Variants in CCNB3 observed in about 807,000 individuals in gnomAD.
CCNB3 encodes the protein cyclin B3.
In CCNB3, 12 loss-of-function variants were observed where a neutral mutation model predicts 68.0. The ratio of observed to expected loss-of-function variants is 0.18; its 90% CI spans 0.11 to 0.29. CCNB3 has a LOEUF of 0.29. Among genes scored for constraint, CCNB3 ranks in the 10% least tolerant of loss-of-function variants. The pLI is 1.00. For missense variants in CCNB3, 904 were observed against 993.1 expected (o/e 0.91, Z 1.21); for synonymous variants, 354 against 388.9 (o/e 0.91, Z 1.06).
chrX:50,346,042 C>T (rs1010407435), intron 9 of CCNB3, among the ~76,000 whole-genome samples: 6 of 112,201 alleles, frequency 5.3e-5, no homozygotes, highest in Non-Finnish European at 1.1e-4. Context: ...GCTCCCTGGA[C>T]AGAGGTTCTT....
At chrX:50,286,632 G>GGTT (rs1416492251) in intron 3 of CCNB3, among the ~76,000 whole-genome samples, 18 of 78,394 alleles carry the variant, frequency 2.3e-4, no homozygotes, top group African/African-American at 8.0e-4. Flanking sequence ...TTTTTTTTTT[G>GGTT]GTTGTTGTTG....
intron 5 of CCNB3, among the ~76,000 whole-genome samples, chrX:50,300,344 C>G (rs782699689): frequency 2.5e-4 from 28 of 111,302 alleles, no homozygotes; most frequent in African/African-American, 8.5e-4. Context: ...GACAAAATCT[C>G]TCAGCATTTG....
chrX:50,227,087 TAAATATATAGAATATACATAC>T (rs1448985304), intron 1 of CCNB3, among the ~76,000 whole-genome samples: 2 of 80,506 alleles, frequency 2.5e-5, no homozygotes, highest in African/African-American at 5.0e-5. Context: ...AGAATATATA[TAAATATATAGAATATACATAC>T]AAATATATAG....
chrX:50,292,891 C>G (rs1004916298), intron 4 of CCNB3, among the ~76,000 whole-genome samples: 2 of 111,420 alleles, frequency 1.8e-5, no homozygotes, highest in Non-Finnish European at 3.8e-5. Flanking sequence ...GCCCTGGAGT[C>G]AAACATTTCT....
chrX:50,290,634 G>C, intron 4 of CCNB3, among the ~76,000 whole-genome samples: 1 of 111,826 alleles, frequency 8.9e-6, no homozygotes, highest in Middle Eastern at 4.6e-3. Flanking sequence ...CATTCAGAAA[G>C]AACAGATATA....
At chrX:50,213,427 A>G (rs1374229406) in intron 1 of CCNB3, among the ~76,000 whole-genome samples, 2 of 111,233 alleles carry the variant, frequency 1.8e-5, no homozygotes, top group Non-Finnish European at 3.8e-5. Flanking sequence ...CTTGTTAAGA[A>G]TTTTGTTTCT....
intron 5 of CCNB3, among the ~76,000 whole-genome samples, chrX:50,307,254 C>G (rs1041205101): frequency 1.8e-5 from 2 of 111,370 alleles, no homozygotes; most frequent in Non-Finnish European, 3.8e-5. Context: ...TCATAACGTG[C>G]CTTTAAGTGT....
Position 50,309,267 on chromosome X carries a change from G to C in CCNB3, c.1098G>C (p.Ser366=), listed in dbSNP as rs201480633. The C allele has an allele frequency of 1.7e-6, 2 of 1,211,329 alleles. No individual in the cohort carries two copies. Among genetic ancestry groups the C allele is most frequent in the East Asian group, 3.0e-5 (1 of 33,799 alleles). The change falls in exon 6 of 13, where the codon TCG becomes TCC. Residue 366 remains serine (S), a synonymous_variant. Transcript: ENST00000376042. ...AAGAGGATTCCCTTGTTAAGGAGTC[G>C]TTAGCCTTTAAGAAGAAGCCTAGCA... The part of the protein sequence containing the change: ...NFKEDSLVKE[S]LAFKKKPSTE...
At chrX:50,307,761 A>G (rs1014221584) in intron 5 of CCNB3, among the ~76,000 whole-genome samples, 3 of 110,930 alleles carry the variant, frequency 2.7e-5, no homozygotes, top group African/African-American at 9.8e-5. Flanking sequence ...GGGTATGTCC[A>G]TTTTGCATAT....
Position 50,342,356 on chromosome X carries a change from A to G in CCNB3, c.3654+17A>G, listed in dbSNP as rs781893075. 4 of 1,172,995 alleles carry G rather than the reference A, an allele frequency of 3.4e-6. No individual in the cohort carries two copies. Among genetic ancestry groups the G allele is most frequent in the Middle Eastern group, 2.4e-4 (1 of 4,151 alleles). On this transcript the variant is annotated intron_variant, in intron 9 of 12. Coordinates refer to ENST00000376042, the MANE Select transcript of CCNB3 (RefSeq NM_033031.3). Reference sequence around the variant, plus strand: ...AAATTTGAGGTGAGTCTGAGTCCCTATGGCCTGGAGAACTAATCAAGTTTC... The same window carrying G: ...AAATTTGAGGTGAGTCTGAGTCCCTGTGGCCTGGAGAACTAATCAAGTTTC...
At chrX:50,290,423 T>A (rs1253919071) in intron 4 of CCNB3, among the ~76,000 whole-genome samples, 3 of 111,399 alleles carry the variant, frequency 2.7e-5, no homozygotes, top group African/African-American at 9.8e-5. Context: ...AGGGCACTAA[T>A]CCCATTCACA....
In CCNB3 at chrX:50,208,077, A is replaced by T. The variant is rs782798749; in HGVS notation, c.-113+3127A>T. On this transcript the variant is annotated intron_variant, in intron 1 of 12. Transcript: ENST00000376042. ...ACTTTTTCCAGCAATGAGCTGTAGC[A>T]ACATGTGTGAAATGTCTGTGAGGGA... Among the ~76,000 whole-genome samples, 7 of 112,257 alleles carry T rather than the reference A, an allele frequency of 6.2e-5. No homozygotes were observed. In the South Asian group the frequency reaches 2.2e-3, roughly 36 times the overall value.
At chrX:50,227,248 AAT>A (rs1476167325) in intron 1 of CCNB3, among the ~76,000 whole-genome samples, 1,838 of 81,783 alleles carry the variant, frequency 0.022, 24 homozygotes, top group Middle Eastern at 0.034. Context: ...ATATATACAG[AAT>A]ATATATATAA....
intron 5 of CCNB3, among the ~76,000 whole-genome samples, chrX:50,303,453 T>G (rs1936695221): frequency 1.1e-5 from 1 of 93,046 alleles, no homozygotes; most frequent in Non-Finnish European, 2.0e-5. Context: ...GCTGGCAGTG[T>G]TTTTTTTTTT....
intron 1 of CCNB3, among the ~76,000 whole-genome samples, chrX:50,279,325 A>T (rs1239492322): frequency 1.4e-5 from 1 of 73,850 alleles, no homozygotes; most frequent in Non-Finnish European, 2.3e-5. Context: ...ATATATATTT[A>T]AATATATATG....
intron 3 of CCNB3, among the ~76,000 whole-genome samples, chrX:50,287,296 T>TG (rs1268159583): frequency 9.0e-6 from 1 of 111,032 alleles, no homozygotes; most frequent in Non-Finnish European, 1.9e-5. Flanking sequence ...ACAGAATATG[T>TG]GGGAAAAAAG....
chrX:50,335,570 G>A (rs1224949979), intron 8 of CCNB3, among the ~76,000 whole-genome samples: 1 of 111,756 alleles, frequency 8.9e-6, no homozygotes. Flanking sequence ...CTGGGAACCG[G>A]ATACTGCTTT....
chrX:50,324,494 C>T (rs1198449632), intron 8 of CCNB3, among the ~76,000 whole-genome samples: 2 of 112,330 alleles, frequency 1.8e-5, no homozygotes, highest in Admixed American at 1.9e-4. Flanking sequence ...CATGTGCTTG[C>T]ATTCATATCT....
At chrX:50,347,541 G>A (rs1923465516) in intron 10 of CCNB3, 85 bp from the exon 11 acceptor site, 6 of 960,235 alleles carry the variant, frequency 6.2e-6, no homozygotes, top group South Asian at 4.6e-5. Context: ...ACTGAGGCTC[G>A]GGATGATGTA....
Sources: gnomAD v4.1 joint callset for allele counts (sites outside exome capture counted in the v4.1 genomes callset) on GRCh38, gnomAD v4.1.1 for gene constraint, MANE v1.5 for transcripts, NCBI Gene and HGNC (gene_info 2026-07-23, HGNC 2026-07-21) for gene names.